The following PCMT1 variants were observed in gnomAD, a reference collection of about 807,000 sequenced individuals.
PCMT1 encodes protein-L-isoaspartate (D-aspartate) O-methyltransferase, also known as protein-L-isoaspartate(D-aspartate) O-methyltransferase.
In PCMT1, 9 loss-of-function variants were observed where a neutral mutation model predicts 29.2. The ratio of observed to expected loss-of-function variants is 0.31; its 90% CI spans 0.19 to 0.54. The LOEUF (loss-of-function observed/expected upper bound fraction) is 0.54, where lower values mean the gene tolerates loss of function less well. Among genes scored for constraint, PCMT1 ranks in the 20% least tolerant of loss-of-function variants. The pLI is 0.95. For missense variants in PCMT1, 184 were observed against 282.2 expected, an observed-to-expected ratio of 0.65 and a Z score of 2.49; for synonymous variants, 98 against 97.5, an observed-to-expected ratio of 1.00 and a Z score of -0.03.
intron 1 of PCMT1, among the ~76,000 whole-genome samples, chr6:149,770,567 G>A (rs1204742552): frequency 6.6e-6 from 1 of 151,950 alleles, no homozygotes; most frequent in Non-Finnish European, 1.5e-5. Flanking sequence ...TTAGCTGGGC[G>A]TGGTGGCATG....
At chr6:149,752,638 G>GTA (rs1786368887) in intron 1 of PCMT1, among the ~76,000 whole-genome samples, 1 of 152,160 alleles carries the variant, frequency 6.6e-6, no homozygotes. Context: ...TCAATATGTT[G>GTA]TAAATATTTT....
intron 1 of PCMT1, among the ~76,000 whole-genome samples, chr6:149,754,433 T>TTGAGTTA: frequency 6.6e-6 from 1 of 152,322 alleles, no homozygotes; most frequent in South Asian, 2.1e-4. Context: ...TTCCTACTCG[T>TTGAGTTA]ATTGAGATAA....
intron 5 of PCMT1, chr6:149,795,192 T>A (rs1374058224): frequency 3.9e-6 from 1 of 257,706 alleles, no homozygotes; most frequent in Admixed American, 5.6e-5. Context: ...AGACTTCGTC[T>A]CAAAAAAAAA....
chr6:149,750,224 T>G, intron 1 of PCMT1: 2 of 541,128 alleles, frequency 3.7e-6, no homozygotes, highest in Non-Finnish European at 6.6e-6. Flanking sequence ...CTGCAGGCCC[T>G]GGGGGAGGGA....
chr6:149,759,710 G>C (rs1271587091), intron 1 of PCMT1, among the ~76,000 whole-genome samples: 1 of 152,020 alleles, frequency 6.6e-6, no homozygotes, highest in East Asian at 1.9e-4. Context: ...GGCCAGGCTG[G>C]TCTCAAACTC....
In PCMT1 at chr6:149,771,241, A is replaced by T; in HGVS notation, c.135A>T (p.Pro45=). The change falls in exon 2 of 8, where the codon CCA becomes CCT. Residue 45 remains proline (P), a synonymous_variant. Transcript: ENST00000464889. ...TDRSHYAKCN[P]YMDSPQSIGF... ...GCTCCCACTATGCAAAATGTAACCC[A>T]TACATGGATTCTCCACAATCAATAG... 6.2e-7 allele frequency: 1 copy of T among 1,603,402 alleles called. No homozygotes were observed. Among genetic ancestry groups the T allele is most frequent in the East Asian group, 2.2e-5 (1 of 44,812 alleles).
intron 3 of PCMT1, among the ~76,000 whole-genome samples, chr6:149,777,832 C>T (rs1787634986): frequency 1.6e-5 from 2 of 122,650 alleles, no homozygotes; most frequent in African/African-American, 3.6e-5. Flanking sequence ...TTTCTTCTTT[C>T]TTTTTCTCCT....
chr6:149,767,100 T>C (rs1166139211), intron 1 of PCMT1, among the ~76,000 whole-genome samples: 3 of 152,022 alleles, frequency 2.0e-5, no homozygotes, highest in Non-Finnish European at 4.4e-5. Context: ...TCCCAGCTAC[T>C]TGGGAGGCTG....
At chr6:149,770,816 A>G (rs1444536043) in intron 1 of PCMT1, among the ~76,000 whole-genome samples, 2 of 150,444 alleles carry the variant, frequency 1.3e-5, no homozygotes, top group African/African-American at 2.5e-5. Flanking sequence ...ATCCTGGCTA[A>G]CATGGTGAAA....
intron 7 of PCMT1, among the ~76,000 whole-genome samples, chr6:149,805,608 T>C (rs1039380553): frequency 6.6e-6 from 1 of 151,512 alleles, no homozygotes; most frequent in East Asian, 1.9e-4. Flanking sequence ...AATGTATACC[T>C]GGTTTTCTTT....
intron 1 of PCMT1, among the ~76,000 whole-genome samples, chr6:149,770,649 TGAGCC>T (rs1011944096): frequency 7.2e-6 from 1 of 139,348 alleles, no homozygotes; most frequent in Admixed American, 7.7e-5. Flanking sequence ...GAGGTTGCAG[TGAGCC>T]GAGATCGCAC....
At chr6:149,759,316 T>C (rs1350654101) in intron 1 of PCMT1, among the ~76,000 whole-genome samples, 1 of 152,244 alleles carries the variant, frequency 6.6e-6, no homozygotes, top group African/African-American at 2.4e-5. Flanking sequence ...TAATTTCTTA[T>C]TGTTTTTCCA....
intron 6 of PCMT1, among the ~76,000 whole-genome samples, chr6:149,801,253 C>G (rs9285525): frequency 0.53 from 81,127 of 152,002 alleles, 24,831 homozygotes; most frequent in East Asian, 0.83. Context: ...TACACATAGC[C>G]TGAAGGTAAT....
intron 3 of PCMT1, among the ~76,000 whole-genome samples, chr6:149,788,687 C>T (rs998254968): frequency 1.3e-5 from 2 of 152,166 alleles, no homozygotes; most frequent in African/African-American, 4.8e-5. Context: ...CCAGTTTTTC[C>T]ACTGGAGAAC....
At chr6:149,760,369 C>G (rs896055274) in intron 1 of PCMT1, among the ~76,000 whole-genome samples, 2 of 152,134 alleles carry the variant, frequency 1.3e-5, no homozygotes, top group African/African-American at 4.8e-5. Context: ...ATAAGTTTCT[C>G]TCTCCCATAG....
intron 5 of PCMT1, chr6:149,795,036 T>C: frequency 2.9e-6 from 1 of 348,680 alleles, no homozygotes; most frequent in Non-Finnish European, 5.6e-6. Flanking sequence ...CTACTAAAAA[T>C]ACAGAAATAA....
intron 7 of PCMT1, among the ~76,000 whole-genome samples, chr6:149,806,438 G>GCA (rs1776016354): frequency 1.3e-5 from 2 of 152,182 alleles, no homozygotes; most frequent in Non-Finnish European, 2.9e-5. Flanking sequence ...TTAAGGCAGT[G>GCA]TTAGTAAGGA....
rs139192154 is a variant in PCMT1 at position 149,795,775 on chromosome 6, G to A, written c.419-640G>A. 7.4e-4 allele frequency: 131 copies of A among 178,012 alleles called. No homozygotes were observed. The East Asian group carries it at 0.018, about 24-fold the overall frequency. The allele number at this position is 178,012 out of a possible 1,614,324, so 11.0% of individuals were successfully genotyped here. A position where few individuals can be genotyped will look rare whatever the true frequency, so the allele number is the denominator to read the frequency against. ...CTATATCTTAAGTTAACTTAAATAG[G>A]TGCTGCTGCCAAAGTATTCCTCCAG... On this transcript the variant is annotated intron_variant, in intron 5 of 7. Coordinates refer to ENST00000464889, the MANE Select transcript of PCMT1 (RefSeq NM_001360452.2).
chr6:149,756,512 C>CTTTTTTTT lies in PCMT1; in HGVS notation c.55+6581_55+6588dup, dbSNP rs61038108. On this transcript the variant is annotated intron_variant, in intron 1 of 7. Transcript: ENST00000464889. Reference sequence around the variant, plus strand: ...TACAGATGCACACCACCATGACTGGCTTTTTTTTTTTTTTTTTTTTTTTTT... The same window carrying CTTTTTTTT: ...TACAGATGCACACCACCATGACTGGCTTTTTTTTTTTTTTTTTTTTTTTTTTTTTTTTT... Among the ~76,000 whole-genome samples the CTTTTTTTT allele has an allele frequency of 3.1e-4, 23 of 74,722 alleles. 1 individual carries two copies. The highest frequency in any genetic ancestry group is 8.5e-3 in the Middle Eastern group (1 of 118). The allele number at this position is 74,722 out of a possible 152,430, so 49.0% of individuals were successfully genotyped here. A position where few individuals can be genotyped will look rare whatever the true frequency, so the allele number is the denominator to read the frequency against.
Sources: allele counts gnomAD v4.1 joint callset (sites outside exome capture counted in the v4.1 genomes callset), GRCh38; gene constraint gnomAD v4.1.1; transcripts MANE v1.5; gene names NCBI Gene and HGNC (gene_info 2026-07-23, HGNC 2026-07-21).